SHLD1: variants seen among roughly 807,000 people sequenced by gnomAD.
SHLD1 encodes shieldin complex subunit 1, also known as RINN1-REV7-interacting novel NHEJ regulator 3.
A neutral mutation model predicts 5.5 loss-of-function variants in SHLD1; 3 were observed. That is an observed-to-expected ratio of 0.54 (90% CI 0.25 to 1.40). The LOEUF (loss-of-function observed/expected upper bound fraction) is 1.40. SHLD1 is among the 40% of genes most tolerant of loss of function. The pLI, the probability that SHLD1 is intolerant of heterozygous loss-of-function variation, is 0.15. For missense variants in SHLD1, 210 were observed against 244.4 expected (o/e 0.86, Z 0.94); for synonymous variants, 92 against 94.3 (o/e 0.98, Z 0.14).
At chr20:5,825,220 C>T (rs532038059) in intron 2 of SHLD1, among the ~76,000 whole-genome samples, 3 of 152,232 alleles carry the variant, frequency 2.0e-5, no homozygotes, top group Non-Finnish European at 4.4e-5. Context: ...ACCATTCTGT[C>T]TCATCCTGTC....
chr20:5,828,961 A>C (rs1420447415), intron 2 of SHLD1, among the ~76,000 whole-genome samples: 1 of 152,136 alleles, frequency 6.6e-6, no homozygotes, highest in Non-Finnish European at 1.5e-5. Flanking sequence ...CAGCCTCAAC[A>C]TCCCCAGGCT....
At chr20:5,795,437 A>G (rs6107697) in intron 2 of SHLD1, among the ~76,000 whole-genome samples, 84,291 of 151,276 alleles carry the variant, frequency 0.56, 24,180 homozygotes, top group East Asian at 0.78. Context: ...CTCTGTACTA[A>G]AAATACAAAA....
chr20:5,762,264 T>C (rs1167927507), intron 1 of SHLD1, among the ~76,000 whole-genome samples: 1 of 152,048 alleles, frequency 6.6e-6, no homozygotes, highest in Non-Finnish European at 1.5e-5. Flanking sequence ...AAAATTCTTT[T>C]ATTTATTGAC....
chr20:5,754,777 C>G (rs548178701), intron 1 of SHLD1, among the ~76,000 whole-genome samples: 219 of 152,214 alleles, frequency 1.4e-3, no homozygotes, highest in African/African-American at 5.1e-3. Context: ...TGAGTTGGGC[C>G]GGGCGTGGTG....
intron 2 of SHLD1, among the ~76,000 whole-genome samples, chr20:5,832,801 A>T (rs1228806354): frequency 1.9e-3 from 5 of 2,570 alleles, no homozygotes; most frequent in African/African-American, 5.4e-3. Context: ...TCAAAATAAT[A>T]AATAAATAAA....
At chr20:5,757,364 C>A (rs142214638) in intron 1 of SHLD1, among the ~76,000 whole-genome samples, 2 of 151,998 alleles carry the variant, frequency 1.3e-5, no homozygotes, top group East Asian at 3.9e-4. Flanking sequence ...CCACTATGCC[C>A]AGCCTTTTTC....
chr20:5,818,980 A>G (rs1054218998), intron 2 of SHLD1, among the ~76,000 whole-genome samples: 3 of 152,152 alleles, frequency 2.0e-5, no homozygotes, highest in Non-Finnish European at 4.4e-5. Context: ...CTTGGGCCTC[A>G]GCCTCCCAAG....
intron 2 of SHLD1, among the ~76,000 whole-genome samples, chr20:5,810,573 ATTCTTTC>A (rs1390015470): frequency 2.6e-5 from 4 of 151,966 alleles, no homozygotes; most frequent in African/African-American, 9.7e-5. Flanking sequence ...TGTTCCATTG[ATTCTTTC>A]TATTTCCCCT....
At chr20:5,786,739 C>T (rs1205632286) in intron 2 of SHLD1, among the ~76,000 whole-genome samples, 2 of 152,126 alleles carry the variant, frequency 1.3e-5, no homozygotes, top group South Asian at 2.1e-4. Context: ...TTGCTGGGCT[C>T]CCCACTGAAT....
intron 1 of SHLD1, among the ~76,000 whole-genome samples, chr20:5,762,700 CGTG>C (rs139409948): frequency 0.014 from 2,123 of 152,000 alleles, 23 homozygotes; most frequent in African/African-American, 0.034. Context: ...ACAGGCCAGG[CGTG>C]GTGGCTCACG....
At chr20:5,791,985 T>A (rs1487470672) in intron 2 of SHLD1, among the ~76,000 whole-genome samples, 1 of 152,246 alleles carries the variant, frequency 6.6e-6, no homozygotes, top group Admixed American at 6.5e-5. Flanking sequence ...ACATGTTTAT[T>A]GGCCATTTGC....
At chr20:5,757,834 C>T (rs1192776133) in intron 1 of SHLD1, among the ~76,000 whole-genome samples, 1 of 152,138 alleles carries the variant, frequency 6.6e-6, no homozygotes, top group Non-Finnish European at 1.5e-5. Flanking sequence ...AACTCCTGAC[C>T]TCAGGTGATC....
At chr20:5,757,602 C>A (rs940773065) in intron 1 of SHLD1, among the ~76,000 whole-genome samples, 48 of 151,922 alleles carry the variant, frequency 3.2e-4, no homozygotes, top group African/African-American at 1.1e-3. Context: ...TACAGCAATT[C>A]TTTTCTTTTC....
chr20:5,757,655 T>G (rs1375096499), intron 1 of SHLD1, among the ~76,000 whole-genome samples: 1 of 152,160 alleles, frequency 6.6e-6, no homozygotes, highest in Non-Finnish European at 1.5e-5. Flanking sequence ...TAGGCCGGAG[T>G]GCAGTGGCAC....
intron 1 of SHLD1, among the ~76,000 whole-genome samples, chr20:5,758,925 T>G (rs1465961701): frequency 1.3e-5 from 2 of 151,600 alleles, no homozygotes; most frequent in African/African-American, 4.8e-5. Flanking sequence ...AATGTGTTTT[T>G]TTTTTTTTCT....
intron 2 of SHLD1, among the ~76,000 whole-genome samples, chr20:5,857,624 C>T (rs117833688): frequency 0.032 from 4,808 of 152,022 alleles, 108 homozygotes; most frequent in Middle Eastern, 0.085. Flanking sequence ...GCCTGGGCAA[C>T]GTGGTGAAAC....
At chr20:5,775,516 G>A (rs1985381746) in intron 2 of SHLD1, among the ~76,000 whole-genome samples, 1 of 152,172 alleles carries the variant, frequency 6.6e-6, no homozygotes, top group East Asian at 1.9e-4. Flanking sequence ...AAAATAAGGA[G>A]CATGTTGAAA....
At chr20:5,772,111 G>T in intron 1 of SHLD1, 1 of 433,732 alleles carries the variant, frequency 2.3e-6, no homozygotes, top group Admixed American at 2.5e-5. Flanking sequence ...CCTGACCTCA[G>T]GTGATCCACC....
At chr20:5,755,147 A>G (rs1481158358) in intron 1 of SHLD1, among the ~76,000 whole-genome samples, 3 of 152,196 alleles carry the variant, frequency 2.0e-5, no homozygotes, top group African/African-American at 7.2e-5. Flanking sequence ...GCCTCTAAGT[A>G]ACAGGCTTTA....
Sources: allele counts gnomAD v4.1 joint callset (sites outside exome capture counted in the v4.1 genomes callset), GRCh38; gene constraint gnomAD v4.1.1; transcripts MANE v1.5; gene names NCBI Gene and HGNC (gene_info 2026-07-23, HGNC 2026-07-21).